Variants in LRRC36 observed in about 807,000 individuals in gnomAD.
LRRC36 encodes leucine-rich repeat-containing protein 36.
LRRC36 carries 62 observed loss-of-function variants against 81.1 expected under a neutral mutation model. The ratio of observed to expected loss-of-function variants is 0.76; its 90% CI spans 0.62 to 0.94. The LOEUF (loss-of-function observed/expected upper bound fraction) is 0.94. Ranked by LOEUF, LRRC36 falls within the 40% of genes least tolerant of loss-of-function variation. The probability of loss-of-function intolerance (pLI) is 0.00; values close to 1 mark genes in which losing one functional copy is unlikely to be tolerated. For synonymous variants in LRRC36, 334 were observed against 348.6 expected (o/e 0.96, Z 0.47); for missense variants, 761 against 881.7 (o/e 0.86, Z 1.73).
chr16:67,382,271 G>T (rs747756130), intron 13 of LRRC36, 24 bp downstream of exon 13: 3 of 1,526,106 alleles, frequency 2.0e-6, no homozygotes, highest in South Asian at 1.1e-5. Flanking sequence ...TATCTAGCTT[G>T]CTTCTAGAAG....
At chr16:67,377,939 G>A (rs896175795) in intron 11 of LRRC36, among the ~76,000 whole-genome samples, 9 of 151,992 alleles carry the variant, frequency 5.9e-5, no homozygotes, top group Non-Finnish European at 1.2e-4. Flanking sequence ...GGCCTCAGCC[G>A]CCTTTTCTTA....
At chr16:67,334,499 A>G (rs1298540278) in intron 1 of LRRC36, among the ~76,000 whole-genome samples, 1 of 151,396 alleles carries the variant, frequency 6.6e-6, no homozygotes, top group East Asian at 1.9e-4. Context: ...TGATTTTTGT[A>G]TTTTTAGTAG....
At chr16:67,383,601 G>A (rs567780833) in intron 13 of LRRC36, among the ~76,000 whole-genome samples, 11 of 152,260 alleles carry the variant, frequency 7.2e-5, no homozygotes, top group Non-Finnish European at 1.3e-4. Flanking sequence ...CTTTAGTGAC[G>A]TACAGTCAAA....
chr16:67,382,443 C>T (rs568612387), intron 13 of LRRC36, among the ~76,000 whole-genome samples, 196 bp downstream of exon 13: 1 of 152,276 alleles, frequency 6.6e-6, no homozygotes, highest in East Asian at 1.9e-4. Context: ...GACTAATCGT[C>T]TTTGTTGGCA....
At chr16:67,361,355 C>T (rs1428084321) in intron 5 of LRRC36, among the ~76,000 whole-genome samples, 3 of 152,004 alleles carry the variant, frequency 2.0e-5, no homozygotes, top group Admixed American at 6.6e-5. Context: ...CTGACAGGCT[C>T]TTCTTGATAA....
At position 67,367,303 on chromosome 16, in the gene LRRC36, T is replaced by C. The variant is rs768051792; in HGVS notation, c.1041T>C (p.Leu347=). 1 of 1,614,172 alleles carries C rather than the reference T, an allele frequency of 6.2e-7. No individual in the cohort carries two copies. Among genetic ancestry groups the C allele is most frequent in the South Asian group, 1.1e-5 (1 of 91,082 alleles). Residue 347 remains leucine, a synonymous_variant, in exon 8 of 14, where the codon CTT becomes CTC. Coordinates refer to ENST00000329956, the MANE Select transcript of LRRC36 (RefSeq NM_018296.6). The part of the protein sequence containing the change: ...YSQTLSLHGS[L]GKRPQRSKNY... ...AAACTCTATCCCTGCATGGAAGTCT[T>C]GGTAAAAGGCCTCAGAGAAGCAAGA... is the stretch of plus-strand genomic sequence containing the variant.
chr16:67,382,092 C>T, intron 12 of LRRC36, 41 bp from the exon 13 acceptor site: 1 of 1,329,376 alleles, frequency 7.5e-7, no homozygotes, highest in South Asian at 1.2e-5. Context: ...AGACTAGCAG[C>T]TTGGAATCCT....
At chr16:67,358,431 C>G (rs1308040094) in intron 5 of LRRC36, among the ~76,000 whole-genome samples, 2 of 151,984 alleles carry the variant, frequency 1.3e-5, no homozygotes, top group African/African-American at 4.8e-5. Context: ...CAACCTCAAA[C>G]TCCTGGGCTT....
chr16:67,384,918 G>A lies in LRRC36; in HGVS notation c.2094G>A (p.Glu698=). The A allele has an allele frequency of 1.2e-6, 2 of 1,614,212 alleles. No individual in the cohort carries two copies. The highest frequency in any genetic ancestry group is 1.7e-6 in the Non-Finnish European group (2 of 1,180,028). ...ATCTGCTGCAGCAGCTGAATAAGGA[G>A]CCAAAAGGTTATTCCGGGAAAGCGC... The part of the protein sequence containing the change: ...NEYLLQQLNK[E]PKGYSGKALL... Residue 698 remains glutamate (E), a synonymous_variant, in exon 14 of 14, where the codon GAG becomes GAA. Coordinates refer to ENST00000329956, the MANE Select transcript of LRRC36 (RefSeq NM_018296.6).
At chr16:67,358,651 C>T (rs188124929) in intron 5 of LRRC36, among the ~76,000 whole-genome samples, 4 of 152,124 alleles carry the variant, frequency 2.6e-5, no homozygotes, top group Non-Finnish European at 4.4e-5. Flanking sequence ...ACGTATTCAA[C>T]CCATTCTACA....
intron 5 of LRRC36, chr16:67,362,101 AC>A (rs1597474042): frequency 2.8e-6 from 1 of 356,476 alleles, no homozygotes; most frequent in Admixed American, 3.7e-5. Flanking sequence ...ATTAAAAAAA[AC>A]AAAAACAAAA....
chr16:67,340,995 T>TAGA lies in LRRC36; in HGVS notation c.71-961_71-960insGAA, dbSNP rs1567470111. ...TATAGAATATAGAATATGTATATTATATATAGAATATGTATTCTATAGAAT... is the reference window on the plus strand; with the variant it reads ...TATAGAATATAGAATATGTATATTATAGAATATAGAATATGTATTCTATAGAAT... On this transcript the variant is annotated intron_variant, in intron 1 of 13. Coordinates refer to ENST00000329956, the MANE Select transcript of LRRC36 (RefSeq NM_018296.6). Among the ~76,000 whole-genome samples, 152 of 124,492 alleles carry TAGA rather than the reference T, an allele frequency of 1.2e-3. 6 individuals are homozygous for TAGA. The highest frequency in any genetic ancestry group is 4.0e-3 in the African/African-American group (102 of 25,344). The allele number at this position is 124,492 out of a possible 152,430, so 81.7% of individuals were successfully genotyped here. A position where few individuals can be genotyped will look rare whatever the true frequency, so the allele number is the denominator to read the frequency against.
At chr16:67,333,294 G>C (rs981146389) in intron 1 of LRRC36, among the ~76,000 whole-genome samples, 2 of 152,184 alleles carry the variant, frequency 1.3e-5, no homozygotes, top group South Asian at 4.1e-4. Context: ...ACCATACCCT[G>C]CTAATTTTTG....
chr16:67,367,483 G>A (rs1376456903), intron 8 of LRRC36, 26 bp downstream of exon 8: 1 of 1,578,856 alleles, frequency 6.3e-7, no homozygotes, highest in East Asian at 2.2e-5. Context: ...CAGTTTACAG[G>A]TCTTCTTCAT....
At chr16:67,375,174 TC>T in intron 9 of LRRC36, 72 bp from the exon 10 acceptor site, 1 of 1,489,508 alleles carries the variant, frequency 6.7e-7, no homozygotes, top group South Asian at 1.2e-5. Context: ...AATTCTTACT[TC>T]CTTTATTGTG....
At chr16:67,330,774 A>G (rs1567462102) in intron 1 of LRRC36, among the ~76,000 whole-genome samples, 1 of 152,080 alleles carries the variant, frequency 6.6e-6, no homozygotes, top group East Asian at 1.9e-4. Context: ...CTGAGGCAGG[A>G]GAATCACTTG....
intron 10 of LRRC36, 26 bp downstream of exon 10, chr16:67,375,438 G>A: frequency 2.6e-6 from 4 of 1,546,222 alleles, no homozygotes; most frequent in Non-Finnish European, 2.6e-6. Flanking sequence ...CTCTGTCCTT[G>A]GACAGGAGTT....
intron 9 of LRRC36, among the ~76,000 whole-genome samples, chr16:67,374,913 C>G (rs1567500127): frequency 1.3e-5 from 2 of 151,646 alleles, no homozygotes; most frequent in South Asian, 4.2e-4. Flanking sequence ...GGGACGATCA[C>G]AAGGTCAGGA....
intron 7 of LRRC36, among the ~76,000 whole-genome samples, chr16:67,366,743 C>T (rs2039412409): frequency 7.1e-6 from 1 of 140,844 alleles, no homozygotes; most frequent in Non-Finnish European, 1.5e-5. Context: ...GAGTGAGACC[C>T]TGTCTCAAAA....
Sources: gnomAD v4.1 joint callset for allele counts (sites outside exome capture counted in the v4.1 genomes callset) on GRCh38, gnomAD v4.1.1 for gene constraint, MANE v1.5 for transcripts, NCBI Gene and HGNC (gene_info 2026-07-23, HGNC 2026-07-21) for gene names.